Variants in MYL12B observed in about 807,000 individuals in gnomAD.
MYL12B encodes myosin light chain 12B.
MYL12B carries 3 observed loss-of-function variants against 12.9 expected under a neutral mutation model. The observed-to-expected ratio is 0.23, with a 90% CI of 0.11 to 0.60. The LOEUF (loss-of-function observed/expected upper bound fraction) is 0.60, where lower values mean the gene tolerates loss of function less well. Among genes scored for constraint, MYL12B ranks in the 20% least tolerant of loss-of-function variants. MYL12B has a pLI of 0.89. For missense variants in MYL12B, 120 were observed against 215.4 expected (o/e 0.56, Z 2.77); for synonymous variants, 57 against 71.9 (o/e 0.79, Z 1.05).
rs569148939 is a variant in MYL12B at position 3,268,097 on chromosome 18, T to G, written c.-15-4787T>G. On this transcript the variant is annotated intron_variant, in intron 1 of 3. Coordinates refer to ENST00000237500, the MANE Select transcript of MYL12B (RefSeq NM_033546.4). ...GGATATGGAGGGCTAACTGTATGGG[T>G]TGGGTACTATCCCTGGTTTCAGGCA... is the stretch of plus-strand genomic sequence containing the variant. Among the ~76,000 whole-genome samples the G allele has an allele frequency of 3.9e-5, 6 of 152,348 alleles. No individual in the cohort carries two copies. In the South Asian group the frequency reaches 1.2e-3, roughly 32 times the overall value.
At chr18:3,262,923 G>A (rs1204148344) in intron 1 of MYL12B, 1 of 152,266 alleles carries the variant, frequency 6.6e-6, no homozygotes, top group Non-Finnish European at 1.5e-5. Flanking sequence ...AACAGAAATA[G>A]GGAAAGGTTA....
At chr18:3,270,819 T>C (rs1188215233) in intron 1 of MYL12B, among the ~76,000 whole-genome samples, 1 of 152,122 alleles carries the variant, frequency 6.6e-6, no homozygotes, top group Non-Finnish European at 1.5e-5. Flanking sequence ...CACAGGCATG[T>C]GCCACCACAC....
At chr18:3,266,888 A>G (rs2081639054) in intron 1 of MYL12B, among the ~76,000 whole-genome samples, 2 of 152,212 alleles carry the variant, frequency 1.3e-5, no homozygotes, top group African/African-American at 4.8e-5. Context: ...TTAATGGATG[A>G]GGAAAATGAG....
chr18:3,268,376 A>C (rs531994887), intron 1 of MYL12B, among the ~76,000 whole-genome samples: 4 of 151,096 alleles, frequency 2.6e-5, no homozygotes, highest in African/African-American at 9.9e-5. Context: ...GGGTTGGATT[A>C]GTTTTTTGTG....
intron 2 of MYL12B, 78 bp downstream of exon 2, chr18:3,273,160 T>G: frequency 7.1e-7 from 1 of 1,415,302 alleles, no homozygotes; most frequent in Admixed American, 2.2e-5. Flanking sequence ...TTGTGCGATG[T>G]ACAAATATTT....
At chr18:3,275,840 C>T (rs751166152) in intron 2 of MYL12B, among the ~76,000 whole-genome samples, 16 of 152,136 alleles carry the variant, frequency 1.1e-4, no homozygotes, top group Non-Finnish European at 1.9e-4. Context: ...ATCTTTTTAG[C>T]TACTTTAACT....
At chr18:3,273,638 T>G (rs911880222) in intron 2 of MYL12B, among the ~76,000 whole-genome samples, 1 of 152,230 alleles carries the variant, frequency 6.6e-6, no homozygotes, top group Admixed American at 6.5e-5. Context: ...GATTTTGTTA[T>G]TGTTTCTTAA....
chr18:3,264,677 C>CA (rs1280331116), intron 1 of MYL12B, among the ~76,000 whole-genome samples: 2 of 152,012 alleles, frequency 1.3e-5, no homozygotes, highest in Non-Finnish European at 2.9e-5. Flanking sequence ...GCCATAAACC[C>CA]AATAAGAGAG....
intron 2 of MYL12B, 62 bp from the exon 3 acceptor site, chr18:3,277,191 G>A: frequency 7.0e-7 from 1 of 1,419,294 alleles, no homozygotes. Context: ...CATAATAATA[G>A]TGAAATAACT....
At chr18:3,268,356 C>G (rs1382022135) in intron 1 of MYL12B, among the ~76,000 whole-genome samples, 3 of 152,132 alleles carry the variant, frequency 2.0e-5, no homozygotes, top group Admixed American at 6.5e-5. Flanking sequence ...TGGCTATTTT[C>G]TGTCTGTAAG....
intron 1 of MYL12B, among the ~76,000 whole-genome samples, chr18:3,269,622 G>A (rs985008539): frequency 6.6e-6 from 1 of 152,192 alleles, no homozygotes; most frequent in East Asian, 1.9e-4. Context: ...TGAGTCCAAG[G>A]CTCCAAGGAA....
At chr18:3,267,282 A>G (rs1399461674) in intron 1 of MYL12B, among the ~76,000 whole-genome samples, 1 of 152,234 alleles carries the variant, frequency 6.6e-6, no homozygotes, top group Admixed American at 6.5e-5. Context: ...CTGACTTGAG[A>G]TACTTAAAGG....
intron 2 of MYL12B, among the ~76,000 whole-genome samples, chr18:3,275,915 T>C (rs1239235332): frequency 6.6e-6 from 1 of 152,154 alleles, no homozygotes; most frequent in African/African-American, 2.4e-5. Flanking sequence ...GTAAGTGTAA[T>C]CAGGTAGGAC....
At chr18:3,264,673 A>G (rs575830717) in intron 1 of MYL12B, among the ~76,000 whole-genome samples, 5 of 152,220 alleles carry the variant, frequency 3.3e-5, no homozygotes, top group Non-Finnish European at 7.3e-5. Context: ...TTGTGCCATA[A>G]ACCCAATAAG....
In MYL12B at chr18:3,273,094, ATTCT is replaced by A. The variant is rs758057790; in HGVS notation, c.184+15_184+18del. 1.4e-4 allele frequency: 216 copies of A among 1,556,082 alleles called. No homozygotes were observed. In the African/African-American group the frequency reaches 2.7e-3, roughly 19 times the overall value. The stretch of plus-strand genomic sequence containing the variant: ...GCTTGCTTCTCTAGGTAGACTTTAT[ATTCT>A]TTATTTGTATTTTCCCTAAAATAAT... On this transcript the variant is annotated intron_variant, in intron 2 of 3. Transcript: ENST00000237500.
chr18:3,268,307 A>G (rs538345438), intron 1 of MYL12B, among the ~76,000 whole-genome samples: 12 of 152,308 alleles, frequency 7.9e-5, no homozygotes, highest in African/African-American at 2.9e-4. Flanking sequence ...TTTTACTGCT[A>G]TTGAGGGTTA....
intron 1 of MYL12B, among the ~76,000 whole-genome samples, chr18:3,264,351 A>G (rs949303): frequency 0.95 from 145,099 of 152,274 alleles, 69,190 homozygotes; most frequent in Non-Finnish European, 0.98. Flanking sequence ...AGCACCTGCC[A>G]TGTGCAAGGC....
intron 2 of MYL12B, among the ~76,000 whole-genome samples, chr18:3,274,868 T>C (rs1047016353): frequency 2.0e-5 from 3 of 152,212 alleles, no homozygotes; most frequent in African/African-American, 7.2e-5. Context: ...GGTAGGAATG[T>C]AAATAAGTAC....
chr18:3,265,825 G>T lies in MYL12B; in HGVS notation c.-16+3588G>T, dbSNP rs149912585. ...ATTCAGCCAAAAGAATAGGATGGTG[G>T]TGGTGGGAATGTTGAGGAAGGGTGA... On this transcript the variant is annotated intron_variant, in intron 1 of 3. Coordinates refer to ENST00000237500, the MANE Select transcript of MYL12B (RefSeq NM_033546.4). Among the ~76,000 whole-genome samples, 942 of 152,314 alleles carry T rather than the reference G, an allele frequency of 6.2e-3. 8 individuals are homozygous for T. Among genetic ancestry groups the T allele is most frequent in the African/African-American group, 0.021 (872 of 41,570 alleles).
Sources: allele counts gnomAD v4.1 joint callset (sites outside exome capture counted in the v4.1 genomes callset), GRCh38; gene constraint gnomAD v4.1.1; transcripts MANE v1.5; gene names NCBI Gene and HGNC (gene_info 2026-07-23, HGNC 2026-07-21).